The following ACSS3 variants were observed in gnomAD, a reference collection of about 807,000 sequenced individuals.
ACSS3 encodes acyl-CoA synthetase short-chain family member 3, mitochondrial.
ACSS3 carries 64 observed loss-of-function variants against 84.2 expected under a neutral mutation model. That is an observed-to-expected ratio of 0.76 (90% confidence interval 0.62 to 0.94). The LOEUF is 0.94. Ranked by LOEUF, ACSS3 falls within the 40% of genes least tolerant of loss-of-function variation. The pLI is 0.00. For synonymous variants in ACSS3, 317 were observed against 310.1 expected, an observed-to-expected ratio of 1.02 and a Z score of -0.23; for missense variants, 815 against 867.6, an observed-to-expected ratio of 0.94 and a Z score of 0.76.
At chr12:81,188,268 A>G (rs1343057152) in intron 8 of ACSS3, among the ~76,000 whole-genome samples, 1 of 152,066 alleles carries the variant, frequency 6.6e-6, no homozygotes, top group Non-Finnish European at 1.5e-5. Flanking sequence ...TCAAAATAAT[A>G]TTTATGGTTT....
intron 10 of ACSS3, among the ~76,000 whole-genome samples, chr12:81,218,745 A>C (rs2135946186): frequency 6.6e-6 from 1 of 152,218 alleles, no homozygotes; most frequent in African/African-American, 2.4e-5. Context: ...TGCCATTTTT[A>C]TATCTAGTTG....
chr12:81,156,812 A>G lies in ACSS3; in HGVS notation c.1098+4716A>G, dbSNP rs371863166. ...CAATATGTAATTAAATAGACTCCCA[A>G]CAAGAAATCTCCAGACACAGATGGT... On this transcript the variant is annotated intron_variant, in intron 7 of 15. Coordinates refer to ENST00000548058, the MANE Select transcript of ACSS3 (RefSeq NM_024560.4). Among the ~76,000 whole-genome samples the G allele has an allele frequency of 1.1e-4, 17 of 152,334 alleles. No individual in the cohort carries two copies. In the South Asian group the frequency reaches 2.1e-3, roughly 19 times the overall value.
intron 8 of ACSS3, among the ~76,000 whole-genome samples, chr12:81,197,297 T>G (rs1468364124): frequency 6.6e-6 from 1 of 152,228 alleles, no homozygotes; most frequent in Non-Finnish European, 1.5e-5. Context: ...AACCTCTATT[T>G]TCTGTAGAAT....
intron 1 of ACSS3, among the ~76,000 whole-genome samples, chr12:81,094,210 G>A (rs1388631915): frequency 2.0e-5 from 3 of 149,870 alleles, no homozygotes; most frequent in South Asian, 2.1e-4. Flanking sequence ...GTGTGTGTGT[G>A]TTTCTCTTTC....
At chr12:81,143,749 GCAATTTATC>G (rs1886200056) in intron 5 of ACSS3, among the ~76,000 whole-genome samples, 2 of 152,128 alleles carry the variant, frequency 1.3e-5, no homozygotes, top group African/African-American at 4.8e-5. Flanking sequence ...TTGAACAGAG[GCAATTTATC>G]CAAAGTATTG....
In ACSS3 at chr12:81,255,794, TCAAAA is replaced by T; in HGVS notation, c.*876_*880del. On this transcript the variant is annotated 3_prime_UTR_variant, in exon 16 of 16. Transcript: ENST00000548058. ...CTGGGTGACAGAGTAAGACTCCATC[TCAAAA>T]CAACAAAAACAACAAAAAAACCACA... 6.6e-6 allele frequency: 1 copy of T among 152,198 alleles called. No homozygotes were observed. The highest frequency in any genetic ancestry group is 1.5e-5 in the Non-Finnish European group (1 of 68,168). The allele number at this position is 152,198 out of a possible 1,614,324, so 9.4% of individuals were successfully genotyped here.
At chr12:81,131,890 G>C (rs1404023626) in intron 2 of ACSS3, among the ~76,000 whole-genome samples, 1 of 152,070 alleles carries the variant, frequency 6.6e-6, no homozygotes, top group East Asian at 1.9e-4. Context: ...ATAATCATGT[G>C]GTTTTTGTCT....
At chr12:81,147,650 A>G (rs1886404807) in intron 5 of ACSS3, among the ~76,000 whole-genome samples, 1 of 152,190 alleles carries the variant, frequency 6.6e-6, no homozygotes, top group African/African-American at 2.4e-5. Context: ...CATCAGGTTT[A>G]GAAAAGGGGT....
At position 81,078,172 on chromosome 12, in the gene ACSS3, G is replaced by A. The variant is rs1311059621; in HGVS notation, c.52G>A (p.Gly18Arg). The A allele has an allele frequency of 7.2e-6, 11 of 1,523,256 alleles. No homozygotes were observed. The highest frequency in any genetic ancestry group is 1.4e-5 in the African/African-American group (1 of 71,128). The allele number at this position is 1,523,256 out of a possible 1,614,324, so 94.4% of individuals were successfully genotyped here. Residue 18 changes from glycine to arginine, a missense_variant, in exon 1 of 16, where the codon GGA (glycine) becomes AGA (arginine). Transcript: ENST00000548058. Reference protein sequence around the residue: ...CRKVTSAGGLGGPLPGSSPAR... With the variant: ...CRKVTSAGGLRGPLPGSSPAR... ...TAAAGTCACCAGCGCCGGGGGGCTC[G>A]GAGGGCCCTTGCCTGGGTCCTCTCC...
chr12:81,190,315 A>G (rs1372598429), intron 8 of ACSS3, among the ~76,000 whole-genome samples: 2 of 152,076 alleles, frequency 1.3e-5, no homozygotes, highest in African/African-American at 4.8e-5. Flanking sequence ...TCACTCATTA[A>G]TGATTTTTGG....
chr12:81,222,832 A>T (rs949123982), intron 11 of ACSS3, among the ~76,000 whole-genome samples: 5 of 152,034 alleles, frequency 3.3e-5, no homozygotes, highest in African/African-American at 1.2e-4. Context: ...TTAGTGCTTT[A>T]TTAGATTACT....
intron 1 of ACSS3, among the ~76,000 whole-genome samples, chr12:81,085,716 A>G (rs918080830): frequency 6.6e-6 from 1 of 152,226 alleles, no homozygotes. Context: ...TGCAAAAGGT[A>G]GTTTCTGAAT....
chr12:81,252,230 T>C (rs2034176522), intron 13 of ACSS3, among the ~76,000 whole-genome samples: 1 of 152,136 alleles, frequency 6.6e-6, no homozygotes, highest in African/African-American at 2.4e-5. Context: ...GTATCTTTCA[T>C]ATAAAAAAAA....
At chr12:81,096,503 G>T (rs1882059737) in intron 1 of ACSS3, among the ~76,000 whole-genome samples, 1 of 152,062 alleles carries the variant, frequency 6.6e-6, no homozygotes, top group Non-Finnish European at 1.5e-5. Context: ...TTTAAGTTCT[G>T]GGATACATGC....
chr12:81,232,451 G>C (rs1435903650), intron 12 of ACSS3, among the ~76,000 whole-genome samples: 2 of 151,750 alleles, frequency 1.3e-5, no homozygotes, highest in African/African-American at 4.8e-5. Context: ...ATGGAACTGA[G>C]ATGAACCAAA....
At chr12:81,088,485 T>C (rs928690818) in intron 1 of ACSS3, among the ~76,000 whole-genome samples, 3 of 152,074 alleles carry the variant, frequency 2.0e-5, no homozygotes, top group Non-Finnish European at 4.4e-5. Context: ...ACAGCTGTTA[T>C]GAAAACAGCT....
chr12:81,203,161 G>A (rs1224895179), intron 9 of ACSS3, among the ~76,000 whole-genome samples: 1 of 152,128 alleles, frequency 6.6e-6, no homozygotes, highest in East Asian at 1.9e-4. Flanking sequence ...CCAAAGATGG[G>A]GGAGCCTGGA....
In ACSS3 at chr12:81,259,519, T is replaced by G. The variant is rs889555523; in HGVS notation, c.*4597T>G. 45 of 941,884 alleles carry G rather than the reference T, an allele frequency of 4.8e-5. No homozygotes were observed. The highest frequency in any genetic ancestry group is 6.9e-5 in the Non-Finnish European group (43 of 620,514). The allele number at this position is 941,884 out of a possible 1,614,324, so 58.3% of individuals were successfully genotyped here. A position where few individuals can be genotyped will look rare whatever the true frequency, so the allele number is the denominator to read the frequency against. On this transcript the variant is annotated 3_prime_UTR_variant, in exon 16 of 16. Transcript: ENST00000548058. ...AAACTAATCAAATGTAATATCTGAC[T>G]CCCCCCAAAAATCACATTTTTCAGC... is the stretch of plus-strand genomic sequence containing the variant.
At chr12:81,157,627 T>C (rs1348191983) in intron 7 of ACSS3, among the ~76,000 whole-genome samples, 1 of 151,970 alleles carries the variant, frequency 6.6e-6, no homozygotes, top group East Asian at 1.9e-4. Flanking sequence ...ACCAATATGG[T>C]GAAACCCCAT....
Sources: allele counts gnomAD v4.1 joint callset (sites outside exome capture counted in the v4.1 genomes callset), GRCh38; gene constraint gnomAD v4.1.1; transcripts MANE v1.5; gene names NCBI Gene and HGNC (gene_info 2026-07-23, HGNC 2026-07-21).